JAK2: variants seen among roughly 807,000 people sequenced by gnomAD.
JAK2 encodes Janus kinase 2, also known as tyrosine-protein kinase JAK2.
A neutral mutation model predicts 139.3 loss-of-function variants in JAK2; 86 were observed. The observed-to-expected ratio is 0.62, with a 90% CI of 0.52 to 0.74. The LOEUF is 0.74. Ranked by LOEUF, JAK2 falls within the 30% of genes least tolerant of loss-of-function variation. The pLI is 0.00. For missense variants in JAK2, 1,421 were observed against 1,360.3 expected (o/e 1.04, Z -0.70); for synonymous variants, 490 against 437.7 (o/e 1.12, Z -1.49).
intron 4 of JAK2, chr9:5,041,387 A>G (rs1816496330): frequency 1.6e-6 from 1 of 628,824 alleles, no homozygotes; most frequent in African/African-American, 1.8e-5. Flanking sequence ...CAAGGAGCAG[A>G]GCCACTGCAA....
intron 22 of JAK2, 54 bp from the exon 23 acceptor site, chr9:5,122,950 C>A: frequency 1.9e-6 from 2 of 1,079,268 alleles, no homozygotes; most frequent in South Asian, 1.6e-5. Flanking sequence ...CAGGTAAAAT[C>A]AAGAGTCCAC....
intron 2 of JAK2, among the ~76,000 whole-genome samples, chr9:4,990,989 C>T (rs902872856): frequency 1.3e-5 from 2 of 152,172 alleles, no homozygotes; most frequent in African/African-American, 4.8e-5. Context: ...TCACACTGTC[C>T]AGGTACTATT....
intron 8 of JAK2, among the ~76,000 whole-genome samples, chr9:5,063,224 TTAA>T (rs1211960124): frequency 2.0e-5 from 3 of 152,168 alleles, no homozygotes; most frequent in African/African-American, 7.2e-5. Flanking sequence ...TTTCCAGGAG[TTAA>T]TTATTGCTTT....
intron 5 of JAK2, among the ~76,000 whole-genome samples, chr9:5,046,230 T>A (rs560742723): frequency 1.3e-5 from 2 of 152,290 alleles, no homozygotes; most frequent in South Asian, 4.1e-4. Flanking sequence ...CAGAGATGTC[T>A]ACTGAAGTCC....
rs545041003 is a variant in JAK2, at chr9:5,104,461, A to G, written c.3059+13550A>G. On this transcript the variant is annotated intron_variant, in intron 22 of 24. Coordinates refer to ENST00000381652, the MANE Select transcript of JAK2 (RefSeq NM_004972.4). ...AAAGTCCAGGACCAGATGGACTCAC[A>G]GCCGAATTCTCCTAGAGGTACAAAG... Among the ~76,000 whole-genome samples, 48 of 152,338 alleles carry G rather than the reference A, an allele frequency of 3.2e-4. No individual in the cohort carries two copies. In the East Asian group the frequency reaches 8.9e-3, roughly 28 times the overall value.
chr9:5,060,688 C>T (rs1818106977), intron 8 of JAK2, among the ~76,000 whole-genome samples: 1 of 152,180 alleles, frequency 6.6e-6, no homozygotes, highest in African/African-American at 2.4e-5. Context: ...TCAAAGTCAT[C>T]CATGAGGGTT....
chr9:5,099,876 C>G lies in JAK2; in HGVS notation c.3059+8965C>G, dbSNP rs577098153. On this transcript the variant is annotated intron_variant, in intron 22 of 24. Coordinates refer to ENST00000381652, the MANE Select transcript of JAK2 (RefSeq NM_004972.4). Reference sequence around the variant, plus strand: ...CAATAAACCTGGGTATAGCAATCCCCCTGTGAGCAGGCGCAGTAATTACAG... The same window carrying G: ...CAATAAACCTGGGTATAGCAATCCCGCTGTGAGCAGGCGCAGTAATTACAG... The G allele has an allele frequency of 1.2e-4, 18 of 152,218 alleles. 1 individual carries two copies. The highest frequency in any genetic ancestry group is 4.1e-4 in the African/African-American group (17 of 41,538). The allele number at this position is 152,218 out of a possible 1,614,324, so 9.4% of individuals were successfully genotyped here. A position where few individuals can be genotyped will look rare whatever the true frequency, so the allele number is the denominator to read the frequency against.
At position 5,090,504 on chromosome 9, in the gene JAK2, T is replaced by C; in HGVS notation, c.2820T>C (p.Tyr940=). ...TACCATATGGAAGTTTACGAGACTA[T>C]CTTCAAAAACATAAAGAACGGATAG... ...EYLPYGSLRD[Y]LQKHKERIDH... is the part of the protein sequence containing the mutation. Residue 940 remains tyrosine (Y), a synonymous_variant, in exon 21 of 25, where the codon TAT becomes TAC. Transcript: ENST00000381652. 1 of 1,592,950 alleles carries C rather than the reference T, an allele frequency of 6.3e-7. No homozygotes were observed. The highest frequency in any genetic ancestry group is 8.6e-7 in the Non-Finnish European group (1 of 1,169,316).
At chr9:5,016,755 C>T (rs1049337270) in intron 2 of JAK2, among the ~76,000 whole-genome samples, 1 of 152,162 alleles carries the variant, frequency 6.6e-6, no homozygotes, top group Non-Finnish European at 1.5e-5. Context: ...TGCCCTCCCA[C>T]TATCCCAACC....
chr9:5,116,734 G>C (rs1823213909), intron 22 of JAK2, among the ~76,000 whole-genome samples: 6 of 152,194 alleles, frequency 3.9e-5, no homozygotes, highest in Admixed American at 2.6e-4. Flanking sequence ...CTGTCCCTTA[G>C]TAGAAAGGCT....
chr9:5,044,289 T>C, intron 4 of JAK2, 114 bp from the exon 5 acceptor site: 1 of 685,428 alleles, frequency 1.5e-6, no homozygotes, highest in East Asian at 2.7e-5. Context: ...CTGTTAGCTG[T>C]GTTTTCTAAG....
At chr9:5,093,148 C>T (rs1820715467) in intron 22 of JAK2, among the ~76,000 whole-genome samples, 2 of 152,078 alleles carry the variant, frequency 1.3e-5, no homozygotes, top group South Asian at 4.1e-4. Flanking sequence ...ACTGGAATAA[C>T]CCACTGACTG....
chr9:5,033,923 C>T (rs1364382668), intron 4 of JAK2, among the ~76,000 whole-genome samples: 1 of 152,098 alleles, frequency 6.6e-6, no homozygotes, highest in Admixed American at 6.5e-5. Flanking sequence ...GCTAAATGCT[C>T]CAATTAAAAG....
rs137875432 is a variant in JAK2, at chr9:5,015,603, C to T, written c.-25-6360C>T. 1.9e-3 allele frequency among the ~76,000 whole-genome samples: 287 copies of T among 151,256 alleles called. 1 individual carries two copies. The highest frequency in any genetic ancestry group is 6.7e-3 in the African/African-American group (275 of 41,160). On this transcript the variant is annotated intron_variant, in intron 2 of 24. Coordinates refer to ENST00000381652, the MANE Select transcript of JAK2 (RefSeq NM_004972.4). ...AGGTTGGAGTGCAGTGGCATGAGCA[C>T]AATCACTGCTCACTGCGGCCTCGGT...
chr9:5,010,611 C>T (rs774102242), intron 2 of JAK2, among the ~76,000 whole-genome samples: 12 of 152,160 alleles, frequency 7.9e-5, no homozygotes, highest in African/African-American at 1.9e-4. Flanking sequence ...TGGGCCACCA[C>T]GCCTGGCTGT....
At chr9:5,061,426 G>A (rs946341737) in intron 8 of JAK2, among the ~76,000 whole-genome samples, 32 of 152,326 alleles carry the variant, frequency 2.1e-4, no homozygotes, top group African/African-American at 7.0e-4. Context: ...TGGATAACTT[G>A]CTGTAGCTTC....
chr9:4,998,741 CA>C (rs147867540), intron 2 of JAK2, among the ~76,000 whole-genome samples: 38,491 of 143,628 alleles, frequency 0.27, 5,062 homozygotes, highest in South Asian at 0.33. Flanking sequence ...CCACAAAAAA[CA>C]AAAAAAAAAA....
rs2130546918 is a variant in JAK2 at position 5,072,606 on chromosome 9, G to A, written c.1756G>A (p.Ala586Thr). 1 of 1,607,100 alleles carries A rather than the reference G, an allele frequency of 6.2e-7. No homozygotes were observed. ...TEVLLKVLDK[A>T]HRNYSESFFE... ...AGTTCTTTTAAAAGTTCTGGATAAAGCACACAGAAACTATTCAGAGGTGTG... is the reference window on the plus strand; with the variant it reads ...AGTTCTTTTAAAAGTTCTGGATAAAACACACAGAAACTATTCAGAGGTGTG... The change falls in exon 13 of 25, where the codon GCA (alanine) becomes ACA (threonine). Residue 586 changes from alanine to threonine, a missense_variant. Physicochemically the swap from Ala to Thr is moderately conservative, Grantham distance 58 (BLOSUM62 0). Coordinates refer to ENST00000381652, the MANE Select transcript of JAK2 (RefSeq NM_004972.4).
At chr9:5,098,693 A>G (rs1170336405) in intron 22 of JAK2, 1 of 151,362 alleles carries the variant, frequency 6.6e-6, no homozygotes, top group Admixed American at 6.6e-5. Flanking sequence ...TTAAGCTTCA[A>G]TTCCTTTTTT....
Sources: gnomAD v4.1 joint callset for allele counts (sites outside exome capture counted in the v4.1 genomes callset) on GRCh38, gnomAD v4.1.1 for gene constraint, MANE v1.5 for transcripts, NCBI Gene and HGNC (gene_info 2026-07-23, HGNC 2026-07-21) for gene names.